CCDC102B: variants seen among roughly 807,000 people sequenced by gnomAD.
CCDC102B encodes the protein coiled-coil domain containing 102B.
A neutral mutation model predicts 57.4 loss-of-function variants in CCDC102B; 75 were observed. The observed-to-expected ratio is 1.31, with a 90% confidence interval of 1.08 to 1.58. The LOEUF (loss-of-function observed/expected upper bound fraction) is 1.58. CCDC102B is among the 40% of genes most tolerant of loss of function. The pLI is 0.00. For synonymous variants in CCDC102B, 206 were observed against 201.9 expected (o/e 1.02, Z -0.17); for missense variants, 636 against 582.6 (o/e 1.09, Z -0.94).
chr18:68,976,950 T>A (rs558340686), intron 6 of CCDC102B, among the ~76,000 whole-genome samples: 1 of 152,154 alleles, frequency 6.6e-6, no homozygotes, highest in South Asian at 2.1e-4. Flanking sequence ...ACATCACTGA[T>A]AATTTATACC....
rs570703945 is a variant in CCDC102B, at chr18:69,021,515, G to A, written c.1434+10411G>A. On this transcript the variant is annotated intron_variant, in intron 7 of 7. Transcript: ENST00000360242. ...TATTACTTCCTAACCTCTATATTAG[G>A]TGTTGGAATATACATGATTTCTTCC... Among the ~76,000 whole-genome samples, 3 of 152,226 alleles carry A rather than the reference G, an allele frequency of 2.0e-5. No homozygotes were observed. In the South Asian group the frequency reaches 6.2e-4, roughly 32 times the overall value.
rs139602582 is a variant in CCDC102B at position 68,782,341 on chromosome 18, A to AATAT, written c.-66-41011_-66-41008dup. Among the ~76,000 whole-genome samples the AATAT allele has an allele frequency of 1.6e-3, 234 of 149,072 alleles. 1 individual carries two copies. Among genetic ancestry groups the AATAT allele is most frequent in the African/African-American group, 5.4e-3 (223 of 40,956 alleles). ...TATAATGAAATAAAATCACCTTTCA[A>AATAT]ATATATATATATATATACACATACA... On this transcript the variant is annotated intron_variant, in intron 2 of 3. Transcript: ENST00000578970.
rs1414032203 is a variant in CCDC102B, at chr18:68,810,693, T to G, written c.-16+12512T>G. Reference sequence around the variant, plus strand: ...TTTCTTTTCTTTGTTTTTTTTTTTTTTTTTTTTTTTTTTTATGCTTTAAGT... The same window carrying G: ...TTTCTTTTCTTTGTTTTTTTTTTTTGTTTTTTTTTTTTTTATGCTTTAAGT... On this transcript the variant is annotated intron_variant, in intron 1 of 7. Coordinates refer to ENST00000360242, the MANE Select transcript of CCDC102B (RefSeq NM_024781.3). Among the ~76,000 whole-genome samples, 5 of 139,360 alleles carry G rather than the reference T, an allele frequency of 3.6e-5. No homozygotes were observed. In the East Asian group the frequency reaches 6.0e-4, roughly 17 times the overall value. 91.4% of individuals were successfully genotyped at this position (139,360 alleles called of 152,430 possible).
intron 6 of CCDC102B, chr18:68,902,290 T>G (rs1599660959): frequency 1.3e-5 from 2 of 152,210 alleles, no homozygotes. Flanking sequence ...ATAAATTTAT[T>G]TTATTACCAG....
chr18:68,864,103 T>C (rs575143602), intron 4 of CCDC102B, among the ~76,000 whole-genome samples: 5 of 152,094 alleles, frequency 3.3e-5, no homozygotes, highest in African/African-American at 1.2e-4. Context: ...TGTAAATATG[T>C]TGAATTATTT....
intron 7 of CCDC102B, among the ~76,000 whole-genome samples, chr18:69,049,765 C>A (rs1286059918): frequency 2.6e-5 from 4 of 152,004 alleles, no homozygotes; most frequent in African/African-American, 7.3e-5. Flanking sequence ...AAGCCAAGAC[C>A]TCTCAGCTTA....
chr18:69,014,816 A>G (rs1298853231), intron 7 of CCDC102B, among the ~76,000 whole-genome samples: 1 of 152,016 alleles, frequency 6.6e-6, no homozygotes, highest in Non-Finnish European at 1.5e-5. Context: ...CCATAGAACT[A>G]TAGAGTCATT....
chr18:69,035,840 A>T (rs1309564746), intron 7 of CCDC102B, among the ~76,000 whole-genome samples: 1 of 152,156 alleles, frequency 6.6e-6, no homozygotes, highest in African/African-American at 2.4e-5. Flanking sequence ...TCTGCATTGC[A>T]TGAGGTGCAT....
At chr18:68,745,928 A>G (rs1302348462) in intron 2 of CCDC102B, among the ~76,000 whole-genome samples, 3 of 152,102 alleles carry the variant, frequency 2.0e-5, no homozygotes, top group African/African-American at 4.8e-5. Flanking sequence ...CATTTTTATT[A>G]CATTCAGAAC....
chr18:68,768,641 G>A (rs2034542592), intron 2 of CCDC102B, among the ~76,000 whole-genome samples: 1 of 151,884 alleles, frequency 6.6e-6, no homozygotes, highest in Non-Finnish European at 1.5e-5. Context: ...TGATATTTTT[G>A]TTTAATGTAA....
chr18:69,009,573 T>C (rs1163832776), intron 6 of CCDC102B, among the ~76,000 whole-genome samples: 1 of 152,168 alleles, frequency 6.6e-6, no homozygotes, highest in Non-Finnish European at 1.5e-5. Context: ...ATCTCATGAT[T>C]TGGGATCATA....
chr18:69,004,300 A>G (rs533664057), intron 6 of CCDC102B, among the ~76,000 whole-genome samples: 8 of 152,290 alleles, frequency 5.3e-5, no homozygotes, highest in African/African-American at 1.9e-4. Flanking sequence ...CAGAGGGAGA[A>G]GTAGGACTGG....
chr18:68,929,211 A>G (rs765115133), intron 6 of CCDC102B, among the ~76,000 whole-genome samples: 24 of 151,936 alleles, frequency 1.6e-4, no homozygotes, highest in Admixed American at 3.9e-4. Flanking sequence ...AATGTAGCCT[A>G]ACAGAGGCCT....
intron 6 of CCDC102B, among the ~76,000 whole-genome samples, chr18:68,986,426 T>G (rs1048484264): frequency 1.3e-5 from 2 of 152,098 alleles, no homozygotes; most frequent in African/African-American, 2.4e-5. Flanking sequence ...AGGAAAAGCT[T>G]TTGATAGAAT....
chr18:68,798,272 G>A lies in CCDC102B; in HGVS notation c.-16+91G>A, dbSNP rs1016344744. On this transcript the variant is annotated intron_variant, in intron 1 of 7. Transcript: ENST00000360242. ...ATGTGTTGTTCTCAGAGCAAAGACA[G>A]TTGCTTACAAGATGCAGAGCAAAAC... 8.5e-5 allele frequency: 13 copies of A among 152,218 alleles called. No individual in the cohort carries two copies. The East Asian group carries it at 2.5e-3, about 29-fold the overall frequency. The allele number at this position is 152,218 out of a possible 1,614,324, so 9.4% of individuals were successfully genotyped here.
upstream of CCDC102B, among the ~76,000 whole-genome samples, chr18:68,793,768 A>G (rs1301528513): frequency 6.6e-6 from 1 of 152,198 alleles, no homozygotes; most frequent in Middle Eastern, 3.2e-3. Flanking sequence ...TATAAATACA[A>G]CATTATCTTC....
At chr18:68,959,088 G>A (rs1411811537) in intron 6 of CCDC102B, among the ~76,000 whole-genome samples, 1 of 152,124 alleles carries the variant, frequency 6.6e-6, no homozygotes, top group African/African-American at 2.4e-5. Context: ...GGGCATTTAA[G>A]AGTTATTTAT....
At chr18:68,820,411 G>A (rs181914784) in intron 1 of CCDC102B, among the ~76,000 whole-genome samples, 4 of 152,108 alleles carry the variant, frequency 2.6e-5, no homozygotes, top group African/African-American at 4.8e-5. Flanking sequence ...ATTCAACTTC[G>A]TGATATATTA....
chr18:68,849,388 A>T lies in CCDC102B; in HGVS notation c.936+2967A>T, dbSNP rs78131336. Among the ~76,000 whole-genome samples the T allele has an allele frequency of 1.3e-3, 195 of 152,188 alleles. 4 individuals carry two copies. In the East Asian group the frequency reaches 0.021, roughly 17 times the overall value. On this transcript the variant is annotated intron_variant, in intron 4 of 7. Coordinates refer to ENST00000360242, the MANE Select transcript of CCDC102B (RefSeq NM_024781.3). The stretch of plus-strand genomic sequence containing the variant: ...TGCTATTCCTGTGGCTTAAAAAATT[A>T]TTCCATAGAAGTGACTATAAATATT...
Sources: allele counts gnomAD v4.1 joint callset (sites outside exome capture counted in the v4.1 genomes callset), GRCh38; gene constraint gnomAD v4.1.1; transcripts MANE v1.5; gene names NCBI Gene and HGNC (gene_info 2026-07-23, HGNC 2026-07-21).